The following ADGRG6 variants were observed in gnomAD, a reference collection of about 807,000 sequenced individuals.
The protein encoded by ADGRG6 is adhesion G protein-coupled receptor G6, also known as G-protein coupled receptor 126.
Under a neutral mutation model 142.4 loss-of-function variants are expected in ADGRG6, and 84 were observed. That is an observed-to-expected ratio of 0.59 (90% CI 0.49 to 0.71). The LOEUF (loss-of-function observed/expected upper bound fraction) is 0.71. Ranked by LOEUF, ADGRG6 falls within the 30% of genes least tolerant of loss-of-function variation. The probability of loss-of-function intolerance (pLI) is 0.00; values close to 1 mark genes in which losing one functional copy is unlikely to be tolerated. For missense variants in ADGRG6, 1,367 were observed against 1,466.6 expected (o/e 0.93, Z 1.11); for synonymous variants, 521 against 520.5 (o/e 1.00, Z -0.01).
rs200483338 is a variant in ADGRG6, at chr6:142,419,894, A to G, written c.3109A>G (p.Ile1037Val). ...GYFGVMFFLN[I>V]AMFIVVMVQI... ...TTTTGGAGTCATGTTTTTTCTGAAC[A>G]TTGCCATGTTCATTGTGGTAATGGT... The change falls in exon 22 of 25, where the codon ATT becomes GTT. Residue 1037 changes from isoleucine to valine, a missense_variant. Transcript: ENST00000367609. 1.2e-6 allele frequency: 2 copies of G among 1,613,050 alleles called. No individual in the cohort carries two copies. Among genetic ancestry groups the G allele is most frequent in the South Asian group, 2.2e-5 (2 of 91,072 alleles).
In ADGRG6 at chr6:142,302,248, G is replaced by A; in HGVS notation, c.-82G>A. On this transcript the variant is annotated 5_prime_UTR_variant, in exon 1 of 25. Transcript: ENST00000367609. The stretch of plus-strand genomic sequence containing the variant: ...GGGCTGGGGCGCCTGGGTTCCCCCT[G>A]GGTGGAGCAGCGGCAGCAGAGCGGG... The A allele has an allele frequency of 1.9e-6, 3 of 1,554,060 alleles. No homozygotes were observed. Among genetic ancestry groups the A allele is most frequent in the Non-Finnish European group, 1.8e-6 (2 of 1,137,366 alleles).
At chr6:142,432,333 G>T (rs1168393846) in intron 22 of ADGRG6, among the ~76,000 whole-genome samples, 6 of 152,050 alleles carry the variant, frequency 3.9e-5, no homozygotes, top group Non-Finnish European at 7.4e-5. Flanking sequence ...TGGGAAAAGG[G>T]CTAGTGACTA....
intron 6 of ADGRG6, among the ~76,000 whole-genome samples, chr6:142,384,438 A>C (rs78288888): frequency 0.01 from 1,548 of 152,248 alleles, 25 homozygotes; most frequent in East Asian, 0.059. Flanking sequence ...CTCCAAATAT[A>C]CTTTTCTATT....
At chr6:142,312,411 G>A (rs936642025) in intron 2 of ADGRG6, among the ~76,000 whole-genome samples, 1 of 152,028 alleles carries the variant, frequency 6.6e-6, no homozygotes, top group Admixed American at 6.6e-5. Flanking sequence ...TGGAAAAATA[G>A]CTCACTGTGT....
In ADGRG6 at chr6:142,402,067, G is replaced by A. The variant is rs1212928340; in HGVS notation, c.1744+9G>A. 4 of 1,440,910 alleles carry A rather than the reference G, an allele frequency of 2.8e-6. No homozygotes were observed. Among genetic ancestry groups the A allele is most frequent in the Middle Eastern group, 1.7e-4 (1 of 5,744 alleles). The allele number at this position is 1,440,910 out of a possible 1,614,324, so 89.3% of individuals were successfully genotyped here. On this transcript the variant is annotated intron_variant, in intron 12 of 24. Coordinates refer to ENST00000367609, the MANE Select transcript of ADGRG6 (RefSeq NM_198569.3). ...TATCTCCAACTGTTTAAGTAAGTGAGCAGTTTTCCTTTATTTCTCAAGGAC... is the reference window on the plus strand; with the variant it reads ...TATCTCCAACTGTTTAAGTAAGTGAACAGTTTTCCTTTATTTCTCAAGGAC...
In ADGRG6 at chr6:142,397,598, G is replaced by A. The variant is rs751856747; in HGVS notation, c.1425-15G>A. The A allele has an allele frequency of 1.6e-5, 25 of 1,605,948 alleles. No individual in the cohort carries two copies. The highest frequency in any genetic ancestry group is 6.7e-5 in the African/African-American group (5 of 74,364). ...ATGAACAACAACAACAGTTCTATCC[G>A]AAATGTTTCCCTAGGTTGGTGCTTT... On this transcript the variant is annotated splice_polypyrimidine_tract_variant and intron_variant, in intron 9 of 24. Transcript: ENST00000367609.
intron 7 of ADGRG6, 34 bp downstream of exon 7, chr6:142,390,377 A>T: frequency 8.0e-7 from 1 of 1,247,160 alleles, no homozygotes; most frequent in Non-Finnish European, 1.2e-6. Context: ...TTTTTAAAAA[A>T]ATTCTTTAAC....
chr6:142,407,681 G>C (rs114463060), intron 15 of ADGRG6, among the ~76,000 whole-genome samples: 1 of 152,144 alleles, frequency 6.6e-6, no homozygotes, highest in Admixed American at 6.5e-5. Context: ...ATTACTTTTA[G>C]GTATAAGTTA....
intron 18 of ADGRG6, among the ~76,000 whole-genome samples, chr6:142,411,814 CA>C (rs1386402254): frequency 6.6e-6 from 1 of 151,906 alleles, no homozygotes; most frequent in Non-Finnish European, 1.5e-5. Context: ...ATAGTGTAAT[CA>C]AAAAAATTTT....
chr6:142,426,835 C>T (rs781023602), intron 22 of ADGRG6, among the ~76,000 whole-genome samples: 9 of 152,202 alleles, frequency 5.9e-5, no homozygotes, highest in Non-Finnish European at 1.3e-4. Context: ...CATATGGAAG[C>T]TGCCAAGGCT....
At chr6:142,431,447 C>T (rs2115164034) in intron 22 of ADGRG6, among the ~76,000 whole-genome samples, 1 of 152,284 alleles carries the variant, frequency 6.6e-6, no homozygotes, top group East Asian at 1.9e-4. Context: ...AAAGCTTTAA[C>T]TCTGCATTCA....
intron 14 of ADGRG6, chr6:142,404,331 A>T (rs537064307): frequency 4.3e-6 from 1 of 232,376 alleles, no homozygotes; most frequent in African/African-American, 2.4e-5. Flanking sequence ...AGTGGTTCTC[A>T]AACTGAACAT....
intron 8 of ADGRG6, among the ~76,000 whole-genome samples, chr6:142,393,282 G>T (rs556448355): frequency 1.3e-5 from 2 of 152,190 alleles, no homozygotes; most frequent in South Asian, 4.1e-4. Context: ...AATATAAATA[G>T]AAGTTGTTAG....
At chr6:142,385,232 C>T (rs1781966741) in intron 6 of ADGRG6, among the ~76,000 whole-genome samples, 1 of 152,096 alleles carries the variant, frequency 6.6e-6, no homozygotes, top group Admixed American at 6.5e-5. Flanking sequence ...CTTGTTTAGG[C>T]CATCTCTCTC....
At chr6:142,383,588 G>T (rs1781877184) in intron 5 of ADGRG6, among the ~76,000 whole-genome samples, 172 bp from the exon 6 acceptor site, 1 of 152,100 alleles carries the variant, frequency 6.6e-6, no homozygotes, top group South Asian at 2.1e-4. Flanking sequence ...TTCTTAATGT[G>T]CCATAGAAAG....
intron 6 of ADGRG6, among the ~76,000 whole-genome samples, chr6:142,389,703 A>G (rs1774780202): frequency 1.3e-5 from 2 of 151,842 alleles, no homozygotes; most frequent in South Asian, 4.1e-4. Flanking sequence ...AGAAATTTTG[A>G]TGAAAAGTCT....
At chr6:142,360,975 T>C (rs1147841) in intron 2 of ADGRG6, among the ~76,000 whole-genome samples, 152,029 of 152,364 alleles carry the variant, frequency 1, 75,849 homozygotes, top group Middle Eastern at 1. Flanking sequence ...TCTAGCCCCT[T>C]AGCTTCCTGT....
intron 7 of ADGRG6, among the ~76,000 whole-genome samples, chr6:142,391,688 A>C (rs1273817644): frequency 2.0e-5 from 3 of 151,870 alleles, no homozygotes; most frequent in African/African-American, 7.2e-5. Context: ...TTAGTAACTC[A>C]TTCAAATACT....
At chr6:142,319,761 A>G (rs1015949597) in intron 2 of ADGRG6, among the ~76,000 whole-genome samples, 2 of 152,122 alleles carry the variant, frequency 1.3e-5, no homozygotes, top group Non-Finnish European at 2.9e-5. Flanking sequence ...TTCTCTGTCC[A>G]CTATGTGTGC....
Sources: gnomAD v4.1 joint callset for allele counts (sites outside exome capture counted in the v4.1 genomes callset) on GRCh38, gnomAD v4.1.1 for gene constraint, MANE v1.5 for transcripts, NCBI Gene and HGNC (gene_info 2026-07-23, HGNC 2026-07-21) for gene names.